CD300LG: variants seen among roughly 807,000 people sequenced by gnomAD.
CD300LG encodes the protein CD300 molecule like family member g, also known as CMRF35-like molecule 9.
Under a neutral mutation model 31.5 loss-of-function variants are expected in CD300LG, and 29 were observed. The observed-to-expected ratio is 0.92, with a 90% CI of 0.68 to 1.25. CD300LG has a LOEUF of 1.25. CD300LG is among the 50% of genes most tolerant of loss of function. CD300LG has a pLI of 0.00. For synonymous variants in CD300LG, 175 were observed against 177.2 expected (o/e 0.99, Z 0.10); for missense variants, 396 against 417.6 (o/e 0.95, Z 0.45).
Position 43,863,051 on chromosome 17 carries a change from A to C in CD300LG, c.*1140A>C, listed in dbSNP as rs2046679028. The C allele has an allele frequency of 6.6e-6, 1 of 152,236 alleles. No individual in the cohort carries two copies. Among genetic ancestry groups the C allele is most frequent in the East Asian group, 1.9e-4 (1 of 5,196 alleles). 9.4% of individuals were successfully genotyped at this position (152,236 alleles called of 1,614,324 possible). ...TTCCATTATTATTGTTTTTTAAGAC[A>C]GAATCTCGTGCTGCTGCCCAGGCTG... On this transcript the variant is annotated 3_prime_UTR_variant, in exon 7 of 7. Transcript: ENST00000317310.
chr17:43,851,006 G>T (rs967444572), intron 2 of CD300LG, among the ~76,000 whole-genome samples: 2 of 151,684 alleles, frequency 1.3e-5, no homozygotes, highest in Non-Finnish European at 2.9e-5. Flanking sequence ...ATAGTGGCAG[G>T]TGCCTGTAAT....
chr17:43,852,829 G>A (rs1346381821), intron 2 of CD300LG, 83 bp from the exon 3 acceptor site: 2 of 1,159,740 alleles, frequency 1.7e-6, no homozygotes, highest in African/African-American at 3.1e-5. Flanking sequence ...GTGGGGGGTA[G>A]GAAAACTGCC....
At chr17:43,852,070 T>C (rs561425196) in intron 2 of CD300LG, among the ~76,000 whole-genome samples, 33 of 152,270 alleles carry the variant, frequency 2.2e-4, no homozygotes, top group African/African-American at 6.3e-4. Context: ...AGGAACAGCA[T>C]GTCCAAGGCA....
rs754819531 is a variant in CD300LG, at chr17:43,861,793, T to G, written c.886-5T>G. The G allele has an allele frequency of 6.3e-7, 1 of 1,592,020 alleles. No homozygotes were observed. The highest frequency in any genetic ancestry group is 1.8e-5 in the Admixed American group (1 of 56,540). On this transcript the variant is annotated splice_polypyrimidine_tract_variant and splice_region_variant and intron_variant, in intron 6 of 6. Transcript: ENST00000317310. ...GCTCTCCAAACCCCACTGTTGTCTT[T>G]ACAGACTGCGGAGGAAAAGGAAGCC...
At chr17:43,847,577 C>G (rs1197985094) in intron 1 of CD300LG, among the ~76,000 whole-genome samples, 1 of 152,220 alleles carries the variant, frequency 6.6e-6, no homozygotes, top group Non-Finnish European at 1.5e-5. Context: ...GACACCCCAT[C>G]TGGTTGCCCT....
At chr17:43,849,232 A>C in intron 2 of CD300LG, 1 of 456,798 alleles carries the variant, frequency 2.2e-6, no homozygotes, top group Non-Finnish European at 3.8e-6. Context: ...CAGGGGATAA[A>C]GAAGACTCCT....
intron 6 of CD300LG, chr17:43,857,448 C>T: frequency 6.5e-7 from 1 of 1,537,202 alleles, no homozygotes; most frequent in Non-Finnish European, 8.7e-7. Flanking sequence ...CGCCTTCTTT[C>T]CATCCCCCCT....
chr17:43,852,461 G>A (rs2046387839), intron 2 of CD300LG, among the ~76,000 whole-genome samples: 1 of 152,182 alleles, frequency 6.6e-6, no homozygotes, highest in African/African-American at 2.4e-5. Flanking sequence ...TGATCCACCA[G>A]CCTTGGCCTC....
At position 43,857,133 on chromosome 17, in the gene CD300LG, G is replaced by T; in HGVS notation, c.862G>T (p.Glu288Ter). 6.2e-7 allele frequency: 1 copy of T among 1,614,144 alleles called. No homozygotes were observed. The highest frequency in any genetic ancestry group is 8.5e-7 in the Non-Finnish European group (1 of 1,180,032). The change falls in exon 6 of 7, where the codon GAG (glutamate) becomes TAG (stop). Residue 288 changes from glutamate (E) to a stop codon, truncating the protein, a stop_gained. Coordinates refer to ENST00000317310, the MANE Select transcript of CD300LG (RefSeq NM_145273.4). LOFTEE classifies it low-confidence loss of function (END_TRUNC). ...AQQATETQRN[E>*]KFCLSRLTAE... is the part of the protein sequence containing the mutation. ...ACAGGCCACGGAGACACAGAGGAAC[G>T]AGAAGTTCTGCCTCTCACGCTTGGT...
rs1008129804 is a variant in CD300LG at position 43,861,386 on chromosome 17, A to G, written c.886-412A>G. 15 of 643,030 alleles carry G rather than the reference A, an allele frequency of 2.3e-5. No homozygotes were observed. In the African/African-American group the frequency reaches 3.0e-4, roughly 13 times the overall value. The allele number at this position is 643,030 out of a possible 1,614,324, so 39.8% of individuals were successfully genotyped here. On this transcript the variant is annotated intron_variant, in intron 6 of 6. Coordinates refer to ENST00000317310, the MANE Select transcript of CD300LG (RefSeq NM_145273.4). ...CCCCAAACCCCACACCCCCGCATCT[A>G]CCCACCTTCCCCATTCACAGCCATA...
chr17:43,856,858 C>T (rs114833903), intron 5 of CD300LG, among the ~76,000 whole-genome samples: 1 of 152,336 alleles, frequency 6.6e-6, no homozygotes, highest in Non-Finnish European at 1.5e-5. Context: ...CCTTAGCACA[C>T]AGATTTATTT....
intron 6 of CD300LG, chr17:43,857,727 C>T: frequency 6.7e-7 from 1 of 1,484,856 alleles, no homozygotes; most frequent in Non-Finnish European, 9.1e-7. Flanking sequence ...GGTCACACAG[C>T]AGGTGGTGGC....
At chr17:43,857,220 T>G in intron 6 of CD300LG, 64 bp downstream of exon 6, 1 of 1,589,430 alleles carries the variant, frequency 6.3e-7, no homozygotes, top group Non-Finnish European at 8.6e-7. Flanking sequence ...TCAAGATTCC[T>G]GGGCTTTGCC....
At chr17:43,852,447 C>T (rs1210168405) in intron 2 of CD300LG, among the ~76,000 whole-genome samples, 4 of 152,168 alleles carry the variant, frequency 2.6e-5, no homozygotes, top group African/African-American at 9.7e-5. Context: ...CTCCTGACCT[C>T]ACGTGATCCA....
At position 43,861,786 on chromosome 17, in the gene CD300LG, T is replaced by C. The variant is rs1438301242; in HGVS notation, c.886-12T>C. On this transcript the variant is annotated splice_polypyrimidine_tract_variant and intron_variant, in intron 6 of 6. Coordinates refer to ENST00000317310, the MANE Select transcript of CD300LG (RefSeq NM_145273.4). ...GGGTTCTGCTCTCCAAACCCCACTG[T>C]TGTCTTTACAGACTGCGGAGGAAAA... 6.4e-7 allele frequency: 1 copy of C among 1,570,898 alleles called. No individual in the cohort carries two copies. Among genetic ancestry groups the C allele is most frequent in the East Asian group, 2.3e-5 (1 of 43,612 alleles).
intron 6 of CD300LG, chr17:43,858,744 G>T (rs2046593546): frequency 1.0e-6 from 1 of 980,004 alleles, no homozygotes; most frequent in Non-Finnish European, 1.2e-6. Context: ...GGGGTTTGGG[G>T]CTTTCTTTGT....
intron 2 of CD300LG, 169 bp downstream of exon 2, chr17:43,849,062 C>A: frequency 1.6e-6 from 1 of 638,202 alleles, no homozygotes; most frequent in South Asian, 1.9e-5. Context: ...CCGCCTGAGT[C>A]TTGGCCATTG....
chr17:43,860,291 T>C (rs2046625313), intron 6 of CD300LG, among the ~76,000 whole-genome samples: 1 of 152,206 alleles, frequency 6.6e-6, no homozygotes, highest in Non-Finnish European at 1.5e-5. Flanking sequence ...TTGCATCACC[T>C]CTCTGAGCCC....
At chr17:43,853,720 A>T in intron 3 of CD300LG, 87 bp from the exon 4 acceptor site, 1 of 1,072,194 alleles carries the variant, frequency 9.3e-7, no homozygotes, top group South Asian at 1.5e-5. Context: ...CAGGGAGGCT[A>T]GGGTTCAGGG....
Sources: gnomAD v4.1 joint callset for allele counts (sites outside exome capture counted in the v4.1 genomes callset) on GRCh38, gnomAD v4.1.1 for gene constraint, MANE v1.5 for transcripts, NCBI Gene and HGNC (gene_info 2026-07-23, HGNC 2026-07-21) for gene names.